Variants in MED27 observed in about 807,000 individuals in gnomAD.
MED27 encodes mediator complex subunit 27, also known as mediator of RNA polymerase II transcription subunit 27.
MED27 carries 30 observed loss-of-function variants against 38.2 expected under a neutral mutation model. The observed-to-expected ratio is 0.79, with a 90% CI of 0.59 to 1.07. The LOEUF (loss-of-function observed/expected upper bound fraction) is 1.07. MED27 is among the 50% of genes least tolerant of loss of function. The pLI is 0.00. For synonymous variants in MED27, 122 were observed against 153.5 expected (o/e 0.79, Z 1.52); for missense variants, 289 against 397.5 (o/e 0.73, Z 2.32).
Position 132,017,564 on chromosome 9 carries a change from T to C in MED27, c.349-3097A>G, listed in dbSNP as rs151024796. On this transcript the variant is annotated intron_variant, in intron 2 of 7. Transcript: ENST00000292035. ...ATGAAAGAAGGAGAGAAATGATCTA[T>C]TCTTTTAACTTTCATATCTTACAAG... Among the ~76,000 whole-genome samples, 21 of 152,336 alleles carry C rather than the reference T, an allele frequency of 1.4e-4. No individual in the cohort carries two copies. The East Asian group carries it at 3.9e-3, about 28-fold the overall frequency.
At chr9:132,021,621 G>C in intron 2 of MED27, among the ~76,000 whole-genome samples, 1 of 152,200 alleles carries the variant, frequency 6.6e-6, no homozygotes, top group East Asian at 1.9e-4. Flanking sequence ...CATAAAGAAA[G>C]ATCATGTTGG....
chr9:131,941,902 T>C (rs1830793720), intron 3 of MED27, among the ~76,000 whole-genome samples: 1 of 139,666 alleles, frequency 7.2e-6, no homozygotes, highest in Non-Finnish European at 1.5e-5. Context: ...CTCAGCTCAC[T>C]GCAAGCTCCA....
intron 6 of MED27, among the ~76,000 whole-genome samples, chr9:131,866,697 G>A (rs1189035992): frequency 6.6e-6 from 1 of 152,216 alleles, no homozygotes; most frequent in African/African-American, 2.4e-5. Flanking sequence ...CCTACCACAG[G>A]GGATGACAGT....
intron 2 of MED27, among the ~76,000 whole-genome samples, chr9:132,027,252 A>G (rs1057009836): frequency 2.0e-5 from 3 of 152,130 alleles, no homozygotes; most frequent in Non-Finnish European, 4.4e-5. Context: ...GTAAGGGTCC[A>G]CTCTGTGAGA....
Position 131,865,300 on chromosome 9 carries a change from T to C in MED27, c.724-2160A>G, listed in dbSNP as rs1045504667. Reference sequence around the variant, plus strand: ...CAATGTTTTTTTTTCTTTTAAACAGTAGTAATGATAACTTTGCAAAATGAC... The same window carrying C: ...CAATGTTTTTTTTTCTTTTAAACAGCAGTAATGATAACTTTGCAAAATGAC... On this transcript the variant is annotated intron_variant, in intron 6 of 7. Transcript: ENST00000292035. Among the ~76,000 whole-genome samples, 5 of 152,110 alleles carry C rather than the reference T, an allele frequency of 3.3e-5. No homozygotes were observed. In the East Asian group the frequency reaches 9.6e-4, roughly 29 times the overall value.
intron 4 of MED27, among the ~76,000 whole-genome samples, chr9:131,923,128 G>C (rs1230033100): frequency 2.0e-5 from 3 of 152,176 alleles, no homozygotes; most frequent in Non-Finnish European, 4.4e-5. Context: ...CTTCTCAGCA[G>C]ACAGAATTGG....
intron 2 of MED27, among the ~76,000 whole-genome samples, chr9:132,024,898 G>A (rs1263376124): frequency 6.6e-6 from 1 of 152,186 alleles, no homozygotes; most frequent in Non-Finnish European, 1.5e-5. Context: ...GTTAAGGAGT[G>A]CTTCTTAGGC....
At chr9:131,954,706 T>C (rs577450013) in intron 3 of MED27, among the ~76,000 whole-genome samples, 3 of 152,172 alleles carry the variant, frequency 2.0e-5, no homozygotes, top group Non-Finnish European at 2.9e-5. Flanking sequence ...TTCTCTCCCA[T>C]AGCATGCCAC....
At position 131,997,030 on chromosome 9, in the gene MED27, T is replaced by C. The variant is rs1447077444; in HGVS notation, c.479+17307A>G. Among the ~76,000 whole-genome samples the C allele has an allele frequency of 6.6e-6, 1 of 152,138 alleles. No individual in the cohort carries two copies. The highest frequency in any genetic ancestry group is 1.5e-5 in the Non-Finnish European group (1 of 68,024). On this transcript the variant is annotated intron_variant, in intron 3 of 7. Transcript: ENST00000292035. This position sits in a 1 kb window ranked among gnomAD's most constrained non-coding sequence, Gnocchi z 4.0. ...GCACATTTTTGACTATGGTGGGGGA[T>C]GGGTACCCCTAACGCTGTGTTAAGG...
intron 3 of MED27, among the ~76,000 whole-genome samples, chr9:131,955,183 C>T (rs11790470): frequency 0.16 from 24,809 of 152,000 alleles, 2,134 homozygotes; most frequent in East Asian, 0.31. Flanking sequence ...AAACAACTCA[C>T]GGGTCAAAGA....
At chr9:131,937,950 T>C (rs1040735739) in intron 4 of MED27, among the ~76,000 whole-genome samples, 7 of 152,168 alleles carry the variant, frequency 4.6e-5, no homozygotes, top group African/African-American at 1.7e-4. Context: ...GACAGATGTA[T>C]TTTATATGAA....
chr9:131,932,512 C>T (rs1260014695), intron 4 of MED27, among the ~76,000 whole-genome samples: 2 of 151,660 alleles, frequency 1.3e-5, no homozygotes, highest in African/African-American at 4.8e-5. Context: ...ATTGGAAAAC[C>T]TCGAGGAAAC....
intron 4 of MED27, among the ~76,000 whole-genome samples, chr9:131,906,744 T>C (rs1302874405): frequency 6.6e-6 from 1 of 151,726 alleles, no homozygotes; most frequent in African/African-American, 2.4e-5. Flanking sequence ...TTGAGGTAAA[T>C]CCATAAAGTG....
intron 2 of MED27, among the ~76,000 whole-genome samples, chr9:132,029,556 C>T (rs1402944839): frequency 6.6e-6 from 1 of 151,866 alleles, no homozygotes; most frequent in African/African-American, 2.4e-5. Flanking sequence ...GAGGCTAAAA[C>T]GAAAGGGAGA....
At chr9:132,004,309 G>C (rs1832307475) in intron 3 of MED27, among the ~76,000 whole-genome samples, 1 of 152,184 alleles carries the variant, frequency 6.6e-6, no homozygotes, top group Non-Finnish European at 1.5e-5. Flanking sequence ...TCCATAGACA[G>C]ATTTTTGCAT....
chr9:131,885,158 C>T (rs527405592), intron 5 of MED27, among the ~76,000 whole-genome samples: 1 of 152,296 alleles, frequency 6.6e-6, no homozygotes, highest in South Asian at 2.1e-4. Context: ...CTGTTCCATG[C>T]CAGGCACTGC....
chr9:131,961,690 G>A (rs1214665299), intron 3 of MED27, among the ~76,000 whole-genome samples: 2 of 152,214 alleles, frequency 1.3e-5, no homozygotes, highest in Admixed American at 6.5e-5. Flanking sequence ...TAGCGAAGGA[G>A]CCTCATGCTG....
rs1839195782 is a variant in MED27 at position 131,889,607 on chromosome 9, GATGC to G, written c.681+4274_681+4277del. Among the ~76,000 whole-genome samples, 1 of 152,184 alleles carries G rather than the reference GATGC, an allele frequency of 6.6e-6. No homozygotes were observed. Among genetic ancestry groups the G allele is most frequent in the Non-Finnish European group, 1.5e-5 (1 of 68,040 alleles). ...ATATGCATTGCAGGTAAAGAGACAG[GATGC>G]TAGGGTCATGGCGGTGGTTGTTAGA... On this transcript the variant is annotated intron_variant, in intron 5 of 7. Coordinates refer to ENST00000292035, the MANE Select transcript of MED27 (RefSeq NM_004269.4). The surrounding 1 kb of genome is among the most constrained non-coding windows in gnomAD (Gnocchi z 4.2).
intron 4 of MED27, among the ~76,000 whole-genome samples, chr9:131,930,173 G>A (rs1214467556): frequency 6.6e-6 from 1 of 152,224 alleles, no homozygotes; most frequent in Non-Finnish European, 1.5e-5. Context: ...AGAGAAAAAA[G>A]ACGGGTACAA....
Sources: allele counts gnomAD v4.1 joint callset (sites outside exome capture counted in the v4.1 genomes callset), GRCh38; gene constraint gnomAD v4.1.1; non-coding constraint Gnocchi (gnomAD v3.1); transcripts MANE v1.5; gene names NCBI Gene and HGNC (gene_info 2026-07-23, HGNC 2026-07-21).